The following LDB2 variants were observed in gnomAD, a reference collection of about 807,000 sequenced individuals.
LDB2 encodes the protein LIM domain-binding protein 2.
LDB2 carries 12 observed loss-of-function variants against 44.3 expected under a neutral mutation model. That is an observed-to-expected ratio of 0.27 (90% CI 0.17 to 0.44). The LOEUF is 0.44. LDB2 is among the 20% of genes least tolerant of loss of function. The pLI is 1.00. For missense variants in LDB2, 344 were observed against 473.5 expected, an observed-to-expected ratio of 0.73 and a Z score of 2.54; for synonymous variants, 164 against 174.8, an observed-to-expected ratio of 0.94 and a Z score of 0.49.
chr4:16,541,460 T>C (rs1384895049), intron 5 of LDB2, among the ~76,000 whole-genome samples: 1 of 152,188 alleles, frequency 6.6e-6, no homozygotes, highest in Non-Finnish European at 1.5e-5. Context: ...AACCATGAGC[T>C]GATTGGACCT....
At chr4:16,882,128 T>C (rs1445955778) in intron 1 of LDB2, among the ~76,000 whole-genome samples, 1 of 152,214 alleles carries the variant, frequency 6.6e-6, no homozygotes, top group Non-Finnish European at 1.5e-5. Context: ...CAGCTCACTC[T>C]TGGCACCCTC....
intron 2 of LDB2, among the ~76,000 whole-genome samples, chr4:16,606,804 A>G (rs886626730): frequency 2.0e-5 from 3 of 152,242 alleles, no homozygotes; most frequent in Non-Finnish European, 2.9e-5. Flanking sequence ...AATTATTTCA[A>G]TATGTTTTAT....
intron 1 of LDB2, among the ~76,000 whole-genome samples, chr4:16,780,545 G>C (rs879428128): frequency 9.2e-5 from 14 of 152,080 alleles, no homozygotes; most frequent in Non-Finnish European, 1.2e-4. Context: ...GTTAGATATA[G>C]GTGGCTCCAC....
intron 7 of LDB2, chr4:16,506,343 G>GAGAT (rs1190414207): frequency 1.7e-5 from 3 of 178,390 alleles, no homozygotes; most frequent in Non-Finnish European, 3.5e-5. Flanking sequence ...GCATAGTGTG[G>GAGAT]AGATAGTGAT....
At chr4:16,860,737 A>G (rs568450690) in intron 1 of LDB2, among the ~76,000 whole-genome samples, 1 of 152,188 alleles carries the variant, frequency 6.6e-6, no homozygotes, top group African/African-American at 2.4e-5. Flanking sequence ...TCAATGAGAG[A>G]CTCTATAATG....
At chr4:16,784,330 C>G (rs1294673405) in intron 1 of LDB2, among the ~76,000 whole-genome samples, 1 of 152,152 alleles carries the variant, frequency 6.6e-6, no homozygotes, top group Non-Finnish European at 1.5e-5. Context: ...GTAGTAGGAA[C>G]CTCTACACCT....
At chr4:16,670,300 T>C (rs1016063460) in intron 2 of LDB2, among the ~76,000 whole-genome samples, 3 of 152,206 alleles carry the variant, frequency 2.0e-5, no homozygotes, top group Middle Eastern at 3.2e-3. Context: ...CTTTGGTAGA[T>C]ATAGGTACCA....
intron 1 of LDB2, among the ~76,000 whole-genome samples, chr4:16,890,538 A>G (rs1219651962): frequency 6.6e-6 from 1 of 152,144 alleles, no homozygotes; most frequent in Non-Finnish European, 1.5e-5. Flanking sequence ...CGTGGTACTA[A>G]TGTGAGAGAA....
At chr4:16,673,498 T>C (rs927176751) in intron 2 of LDB2, among the ~76,000 whole-genome samples, 1 of 152,212 alleles carries the variant, frequency 6.6e-6, no homozygotes, top group Admixed American at 6.5e-5. Context: ...CAGTGCTTCA[T>C]ATAGGCCCTC....
intron 2 of LDB2, among the ~76,000 whole-genome samples, chr4:16,724,445 C>A (rs1398306741): frequency 6.6e-6 from 1 of 151,602 alleles, no homozygotes; most frequent in Non-Finnish European, 1.5e-5. Context: ...GTCATGAATC[C>A]TGTCTCGTTC....
intron 1 of LDB2, among the ~76,000 whole-genome samples, chr4:16,860,737 A>C (rs568450690): frequency 3.3e-5 from 5 of 152,306 alleles, no homozygotes; most frequent in African/African-American, 1.2e-4. Flanking sequence ...TCAATGAGAG[A>C]CTCTATAATG....
At chr4:16,779,373 G>C (rs531695253) in intron 1 of LDB2, among the ~76,000 whole-genome samples, 1 of 152,160 alleles carries the variant, frequency 6.6e-6, no homozygotes, top group Non-Finnish European at 1.5e-5. Context: ...AACTAAGTGC[G>C]CTTTCGAAGC....
At chr4:16,769,526 C>T (rs1427136200) in intron 1 of LDB2, among the ~76,000 whole-genome samples, 1 of 151,654 alleles carries the variant, frequency 6.6e-6, no homozygotes. Context: ...GAACTCCTGA[C>T]CTCAGGTGAT....
At position 16,892,410 on chromosome 4, in the gene LDB2, T is replaced by A. The variant is rs57969529; in HGVS notation, c.132+5944A>T. Among the ~76,000 whole-genome samples, 641 of 152,168 alleles carry A rather than the reference T, an allele frequency of 4.2e-3. 6 individuals are homozygous for A. Among genetic ancestry groups the A allele is most frequent in the African/African-American group, 0.015 (614 of 41,530 alleles). On this transcript the variant is annotated intron_variant, in intron 1 of 7. Transcript: ENST00000304523. ...ATGCATGCTGCCAGAATTTAAATTT[T>A]AAAAAAAATCTAGGCTCATATTGAT...
chr4:16,657,094 A>C (rs901745616), intron 2 of LDB2, among the ~76,000 whole-genome samples: 6 of 152,206 alleles, frequency 3.9e-5, no homozygotes, highest in African/African-American at 4.8e-5. Flanking sequence ...TTGGGTTGAA[A>C]CATTTAAAGG....
chr4:16,729,401 C>T (rs944052895), intron 2 of LDB2, among the ~76,000 whole-genome samples: 1 of 151,940 alleles, frequency 6.6e-6, no homozygotes, highest in African/African-American at 2.4e-5. Context: ...GAAATTCAGT[C>T]GGAAATTCAC....
chr4:16,778,065 G>C (rs1772342044), intron 1 of LDB2, among the ~76,000 whole-genome samples: 1 of 152,084 alleles, frequency 6.6e-6, no homozygotes, highest in African/African-American at 2.4e-5. Context: ...CTGGTTGCCA[G>C]CTCTCAGCAT....
intron 2 of LDB2, among the ~76,000 whole-genome samples, chr4:16,739,086 C>T (rs911070678): frequency 2.0e-5 from 3 of 152,072 alleles, no homozygotes; most frequent in African/African-American, 7.2e-5. Context: ...ATGAAACTTT[C>T]AAGTGGGCTT....
chr4:16,579,844 C>A (rs927058665), intron 5 of LDB2, among the ~76,000 whole-genome samples: 1 of 152,160 alleles, frequency 6.6e-6, no homozygotes, highest in African/African-American at 2.4e-5. Context: ...CTACTGGGTA[C>A]TTACGTGTCT....
Sources: gnomAD v4.1 joint callset for allele counts (sites outside exome capture counted in the v4.1 genomes callset) on GRCh38, gnomAD v4.1.1 for gene constraint, MANE v1.5 for transcripts, NCBI Gene and HGNC (gene_info 2026-07-23, HGNC 2026-07-21) for gene names.